Variants in SEMA6A observed in about 807,000 individuals in gnomAD.
The protein encoded by SEMA6A is semaphorin 6A, also known as semaphorin-6A.
In SEMA6A, 25 loss-of-function variants were observed where a neutral mutation model predicts 96.8. That is an observed-to-expected ratio of 0.26 (90% CI 0.19 to 0.36). The LOEUF is 0.36. Ranked by LOEUF, SEMA6A falls within the 10% of genes least tolerant of loss-of-function variation. The pLI, the probability that SEMA6A is intolerant of heterozygous loss-of-function variation, is 1.00. For synonymous variants in SEMA6A, 612 were observed against 518.0 expected, an observed-to-expected ratio of 1.18 and a Z score of -2.46; for missense variants, 1,363 against 1,323.1, an observed-to-expected ratio of 1.03 and a Z score of -0.47.
chr5:116,450,927 T>C (rs1194543047), intron 18 of SEMA6A, among the ~76,000 whole-genome samples: 1 of 152,194 alleles, frequency 6.6e-6, no homozygotes, highest in Non-Finnish European at 1.5e-5. Context: ...GCTTATATCA[T>C]GAAAAAGGCC....
chr5:116,455,589 T>C (rs925375627), intron 18 of SEMA6A, among the ~76,000 whole-genome samples: 1 of 152,182 alleles, frequency 6.6e-6, no homozygotes, highest in African/African-American at 2.4e-5. Flanking sequence ...TGGACCTCCT[T>C]AAAAAATTGT....
At chr5:116,573,576 G>A (rs1400271168) in intron 1 of SEMA6A, among the ~76,000 whole-genome samples, 1 of 152,032 alleles carries the variant, frequency 6.6e-6, no homozygotes, top group Non-Finnish European at 1.5e-5. Context: ...CCGAGAGACA[G>A]GGCGCGCGGG....
At chr5:116,452,185 C>T (rs551966581) in intron 18 of SEMA6A, among the ~76,000 whole-genome samples, 1 of 152,182 alleles carries the variant, frequency 6.6e-6, no homozygotes, top group Non-Finnish European at 1.5e-5. Context: ...TCTGCCAACC[C>T]CTGCATCCTC....
intron 1 of SEMA6A, among the ~76,000 whole-genome samples, chr5:116,529,790 T>C (rs1247642561): frequency 6.6e-6 from 1 of 152,078 alleles, no homozygotes; most frequent in Non-Finnish European, 1.5e-5. Context: ...AGCCAGACAC[T>C]GAGTACACAT....
chr5:116,564,198 G>A (rs1316220387), intron 1 of SEMA6A, among the ~76,000 whole-genome samples: 1 of 152,178 alleles, frequency 6.6e-6, no homozygotes, highest in Non-Finnish European at 1.5e-5. Context: ...TTGGCAGGCT[G>A]GATCTGGAGA....
intron 1 of SEMA6A, among the ~76,000 whole-genome samples, chr5:116,544,756 C>A (rs190599965): frequency 2.3e-4 from 35 of 152,296 alleles, no homozygotes; most frequent in African/African-American, 8.2e-4. Context: ...TGCAGCCTCA[C>A]CCTCCACTGA....
chr5:116,530,169 T>C (rs935510431), intron 1 of SEMA6A, among the ~76,000 whole-genome samples: 2 of 152,216 alleles, frequency 1.3e-5, no homozygotes, highest in African/African-American at 4.8e-5. Context: ...GAACTAAATG[T>C]TGTAAATGTT....
At chr5:116,530,771 A>G (rs971075467) in intron 1 of SEMA6A, among the ~76,000 whole-genome samples, 4 of 152,184 alleles carry the variant, frequency 2.6e-5, no homozygotes, top group Non-Finnish European at 5.9e-5. Context: ...TTTCTTAATC[A>G]GTGACCAAAA....
At chr5:116,562,398 C>G (rs759810197) in intron 1 of SEMA6A, among the ~76,000 whole-genome samples, 13 of 152,106 alleles carry the variant, frequency 8.5e-5, no homozygotes, top group Non-Finnish European at 1.8e-4. Context: ...TCATATCTAA[C>G]CTTTATCAGA....
intron 1 of SEMA6A, among the ~76,000 whole-genome samples, chr5:116,541,531 A>T (rs1185329391): frequency 6.6e-6 from 1 of 152,132 alleles, no homozygotes; most frequent in Non-Finnish European, 1.5e-5. Context: ...AAGTTCAAAG[A>T]CTAATTAATA....
In SEMA6A at chr5:116,563,841, C is replaced by T. The variant is rs149133754; in HGVS notation, c.-39+10344G>A. 4.6e-5 allele frequency among the ~76,000 whole-genome samples: 7 copies of T among 152,250 alleles called. No homozygotes were observed. In the East Asian group the frequency reaches 1.4e-3, roughly 29 times the overall value. On this transcript the variant is annotated intron_variant, in intron 1 of 18. Transcript: ENST00000343348. Reference sequence around the variant, plus strand: ...AAATGAACAGAACCTATTTTCTTACCCTGCCAAATAATCAGGGGTCCATAA... The same window carrying T: ...AAATGAACAGAACCTATTTTCTTACTCTGCCAAATAATCAGGGGTCCATAA...
At chr5:116,448,047 G>A (rs1754366829) in intron 18 of SEMA6A, among the ~76,000 whole-genome samples, 1 of 151,870 alleles carries the variant, frequency 6.6e-6, no homozygotes, top group African/African-American at 2.4e-5. Flanking sequence ...AAAAAGTGCT[G>A]TTCAGGCCGG....
chr5:116,516,816 G>A (rs548561136), intron 1 of SEMA6A, among the ~76,000 whole-genome samples: 1 of 152,282 alleles, frequency 6.6e-6, no homozygotes, highest in Middle Eastern at 3.4e-3. Flanking sequence ...GAAATTATAG[G>A]TTTGTTTGAA....
At position 116,473,100 on chromosome 5, in the gene SEMA6A, G is replaced by A; in HGVS notation, c.1709-7C>T. The A allele has an allele frequency of 6.3e-7, 1 of 1,592,326 alleles. No homozygotes were observed. Among genetic ancestry groups the A allele is most frequent in the Non-Finnish European group, 8.6e-7 (1 of 1,168,304 alleles). On this transcript the variant is annotated splice_region_variant and splice_polypyrimidine_tract_variant and intron_variant, in intron 16 of 18. Transcript: ENST00000343348. ...TTCAGTGCCACAAAGGAATCTGAAA[G>A]ACAAAAGGGAGGAGAAGGTTACTTA...
rs76726457 is a variant in SEMA6A, at chr5:116,477,214, A to T, written c.1649+632T>A. ...AGCATAAAAAGAAACCTCTTAGCTA[A>T]TGCCATCTAAGCATTTAAAGCCAGG... On this transcript the variant is annotated intron_variant, in intron 15 of 18. Coordinates refer to ENST00000343348, the MANE Select transcript of SEMA6A (RefSeq NM_020796.5). Among the ~76,000 whole-genome samples the T allele has an allele frequency of 4.3e-3, 655 of 152,210 alleles. 5 individuals are homozygous for T. Among genetic ancestry groups the T allele is most frequent in the African/African-American group, 0.015 (627 of 41,584 alleles).
intron 1 of SEMA6A, among the ~76,000 whole-genome samples, chr5:116,555,311 C>A (rs1355755222): frequency 2.0e-5 from 3 of 152,186 alleles, no homozygotes; most frequent in African/African-American, 7.2e-5. Flanking sequence ...CTCCTCATTA[C>A]ACCTCAGTGA....
At position 116,478,728 on chromosome 5, in the gene SEMA6A, C is replaced by T; in HGVS notation, c.1251-10G>A. 1 of 1,610,524 alleles carries T rather than the reference C, an allele frequency of 6.2e-7. No individual in the cohort carries two copies. The highest frequency in any genetic ancestry group is 1.1e-5 in the South Asian group (1 of 90,220). On this transcript the variant is annotated splice_polypyrimidine_tract_variant and intron_variant, in intron 12 of 18. Coordinates refer to ENST00000343348, the MANE Select transcript of SEMA6A (RefSeq NM_020796.5). ...TTTGGTAAGGCGGTATCTAAAATGA[C>T]AGGACCACATTTCTTATCTCTTTGT... is the stretch of plus-strand genomic sequence containing the variant.
At chr5:116,505,952 A>G (rs1368914920) in intron 1 of SEMA6A, among the ~76,000 whole-genome samples, 4 of 152,016 alleles carry the variant, frequency 2.6e-5, no homozygotes, top group Middle Eastern at 3.2e-3. Context: ...GCATTGCTCT[A>G]TCATGAAAAT....
chr5:116,512,592 A>G (rs961608017), intron 1 of SEMA6A, among the ~76,000 whole-genome samples: 3 of 152,236 alleles, frequency 2.0e-5, no homozygotes, highest in African/African-American at 7.2e-5. Flanking sequence ...ATATCTTTTC[A>G]AAAAATAAAG....
Sources: allele counts gnomAD v4.1 joint callset (sites outside exome capture counted in the v4.1 genomes callset), GRCh38; gene constraint gnomAD v4.1.1; transcripts MANE v1.5; gene names NCBI Gene and HGNC (gene_info 2026-07-23, HGNC 2026-07-21).